UACA: variants seen among roughly 807,000 people sequenced by gnomAD.
UACA encodes uveal autoantigen with coiled-coil domains and ankyrin repeats, also known as nuclear membrane binding protein.
Under a neutral mutation model 160.5 loss-of-function variants are expected in UACA, and 112 were observed. That is an observed-to-expected ratio of 0.70 (90% confidence interval 0.60 to 0.82). UACA has a LOEUF of 0.82. UACA is among the 40% of genes least tolerant of loss of function. UACA has a pLI of 0.00. For missense variants in UACA, 1,574 were observed against 1,614.6 expected, an observed-to-expected ratio of 0.97 and a Z score of 0.43; for synonymous variants, 557 against 568.4, an observed-to-expected ratio of 0.98 and a Z score of 0.29.
At chr15:70,741,438 CAGAA>C (rs1899532622) in intron 1 of UACA, among the ~76,000 whole-genome samples, 2 of 152,112 alleles carry the variant, frequency 1.3e-5, no homozygotes, top group Non-Finnish European at 2.9e-5. Flanking sequence ...GGGAGCCCAG[CAGAA>C]AGAAAGGGTC....
chr15:70,744,605 C>T (rs1388828209), intron 1 of UACA, among the ~76,000 whole-genome samples: 1 of 152,116 alleles, frequency 6.6e-6, no homozygotes, highest in Admixed American at 6.6e-5. Context: ...AAAGGTAAGA[C>T]AGTCTGCAAG....
At chr15:70,767,635 A>T (rs980351889), upstream of UACA, among the ~76,000 whole-genome samples, 5 of 152,178 alleles carry the variant, frequency 3.3e-5, no homozygotes, top group Non-Finnish European at 7.3e-5. Context: ...TTGCACATAA[A>T]ATGAGTCCTT....
chr15:70,708,741 G>A lies in UACA; in HGVS notation c.79-9081C>T, dbSNP rs1053026699. On this transcript the variant is annotated intron_variant, in intron 1 of 18. Coordinates refer to ENST00000322954, the MANE Select transcript of UACA (RefSeq NM_018003.4). ...CCACGTCGGCCTCCCAAAGTGCTAG[G>A]ATTACAGGTGTGAGCCACTGTGCCC... Among the ~76,000 whole-genome samples, 5 of 152,216 alleles carry A rather than the reference G, an allele frequency of 3.3e-5. 1 individual carries two copies. The South Asian group carries it at 8.3e-4, about 25-fold the overall frequency.
Position 70,668,842 on chromosome 15 carries a change from G to A in UACA, c.1842C>T (p.Gly614=). The A allele has an allele frequency of 6.2e-7, 1 of 1,613,604 alleles. No individual in the cohort carries two copies. The highest frequency in any genetic ancestry group is 1.7e-5 in the Admixed American group (1 of 59,982). Residue 614 remains glycine, a synonymous_variant, in exon 16 of 19, where the codon GGC becomes GGT. Transcript: ENST00000322954. ...KKGRKVTEME[G]QAKELSAKLA... is the part of the protein sequence containing the mutation. The stretch of plus-strand genomic sequence containing the variant: ...ACTTCGCTGACAATTCTTTTGCCTG[G>A]CCTTCCATCTCTGTGACCTTTCTTC...
chr15:70,673,309 G>A (rs1265481106), intron 13 of UACA, among the ~76,000 whole-genome samples: 5 of 152,044 alleles, frequency 3.3e-5, no homozygotes, highest in Admixed American at 3.3e-4. Flanking sequence ...AAACCCCAGA[G>A]TGAAATGAAG....
intron 7 of UACA, among the ~76,000 whole-genome samples, chr15:70,686,786 C>T (rs61634257): frequency 1.3e-4 from 19 of 151,982 alleles, no homozygotes; most frequent in South Asian, 8.3e-4. Context: ...CTAGTAACTA[C>T]AAAAATCCCA....
intron 14 of UACA, chr15:70,671,725 CATACAAT>C (rs1407189910): frequency 1.7e-5 from 5 of 301,496 alleles, no homozygotes; most frequent in African/African-American, 1.1e-4. Flanking sequence ...TTTGGTAATT[CATACAAT>C]ATACAATTTT....
At chr15:70,761,896 G>A (rs946024954) in intron 1 of UACA, among the ~76,000 whole-genome samples, 1 of 152,224 alleles carries the variant, frequency 6.6e-6, no homozygotes, top group South Asian at 2.1e-4. Flanking sequence ...TACATCCTTA[G>A]TGCAAATCAA....
intron 5 of UACA, among the ~76,000 whole-genome samples, chr15:70,688,920 A>G (rs953936202): frequency 1.3e-5 from 2 of 152,206 alleles, no homozygotes; most frequent in Non-Finnish European, 2.9e-5. Flanking sequence ...TTTTACCAAA[A>G]TTTGTTCTCC....
rs1390249173 is a variant in UACA, at chr15:70,684,181, A to G, written c.784+84T>C. Reference sequence around the variant, plus strand: ...CAGTAAGGAATGTTTTGCTTCTTATAAACTGTAGTTCTACTACCTAAGTCT... The same window carrying G: ...CAGTAAGGAATGTTTTGCTTCTTATGAACTGTAGTTCTACTACCTAAGTCT... On this transcript the variant is annotated intron_variant, in intron 8 of 18. Transcript: ENST00000322954. The G allele has an allele frequency of 5.7e-6, 7 of 1,234,194 alleles. No homozygotes were observed. The East Asian group carries it at 1.7e-4, about 29-fold the overall frequency. 76.5% of individuals were successfully genotyped at this position (1,234,194 alleles called of 1,614,324 possible).
At chr15:70,727,647 G>A (rs940420986) in intron 1 of UACA, among the ~76,000 whole-genome samples, 2 of 152,000 alleles carry the variant, frequency 1.3e-5, no homozygotes, top group African/African-American at 4.8e-5. Context: ...GGTTTAATTG[G>A]TTAAAATTAA....
At chr15:70,705,690 A>C (rs960819982) in intron 1 of UACA, among the ~76,000 whole-genome samples, 2 of 152,200 alleles carry the variant, frequency 1.3e-5, no homozygotes, top group African/African-American at 2.4e-5. Flanking sequence ...CGAGTAAACC[A>C]TGGTTTCTTA....
chr15:70,691,989 C>G (rs1398994313), intron 3 of UACA, among the ~76,000 whole-genome samples: 1 of 152,052 alleles, frequency 6.6e-6, no homozygotes, highest in East Asian at 1.9e-4. Flanking sequence ...AAGGTTAATT[C>G]TGAATACCAG....
At chr15:70,701,375 TTG>T (rs1248994723) in intron 1 of UACA, among the ~76,000 whole-genome samples, 29 of 152,308 alleles carry the variant, frequency 1.9e-4, no homozygotes, top group African/African-American at 6.7e-4. Context: ...TTACAAGACA[TTG>T]TGTTTTCAAA....
chr15:70,737,227 C>G (rs1371526276), intron 1 of UACA, among the ~76,000 whole-genome samples: 1 of 152,044 alleles, frequency 6.6e-6, no homozygotes, highest in Non-Finnish European at 1.5e-5. Context: ...GTAACAGTAC[C>G]CTACTTGGGA....
chr15:70,737,303 C>T (rs1899399515), intron 1 of UACA, among the ~76,000 whole-genome samples: 1 of 152,172 alleles, frequency 6.6e-6, no homozygotes, highest in African/African-American at 2.4e-5. Flanking sequence ...TAAATGTGTA[C>T]ATTAAAGAAT....
At chr15:70,657,275 G>A in intron 18 of UACA, 148 bp from the exon 19 acceptor site, 1 of 687,968 alleles carries the variant, frequency 1.5e-6, no homozygotes, top group South Asian at 1.7e-5. Context: ...GGAATTACTG[G>A]AAAAGGGAGT....
chr15:70,663,318 C>G (rs890120549), intron 17 of UACA, among the ~76,000 whole-genome samples: 8 of 152,192 alleles, frequency 5.3e-5, no homozygotes, highest in African/African-American at 1.9e-4. Context: ...GATACCATCT[C>G]ACACCAGTTA....
chr15:70,740,430 G>A (rs1005640478), intron 1 of UACA, among the ~76,000 whole-genome samples: 24 of 144,798 alleles, frequency 1.7e-4, no homozygotes, highest in Admixed American at 3.6e-4. Flanking sequence ...CCTAGGCAAC[G>A]AAATGAGGCC....
Sources: allele counts gnomAD v4.1 joint callset (sites outside exome capture counted in the v4.1 genomes callset), GRCh38; gene constraint gnomAD v4.1.1; transcripts MANE v1.5; gene names NCBI Gene and HGNC (gene_info 2026-07-23, HGNC 2026-07-21).